Variants in SEMA3D observed in about 807,000 individuals in gnomAD.
The protein encoded by SEMA3D is semaphorin-3D.
A neutral mutation model predicts 100.1 loss-of-function variants in SEMA3D; 84 were observed. The observed-to-expected ratio is 0.84, with a 90% CI of 0.70 to 1.01. The LOEUF is 1.01. SEMA3D is among the 50% of genes least tolerant of loss of function. The pLI is 0.00. For missense variants in SEMA3D, 875 were observed against 934.1 expected (o/e 0.94, Z 0.82); for synonymous variants, 312 against 320.7 (o/e 0.97, Z 0.29).
intron 4 of SEMA3D, among the ~76,000 whole-genome samples, chr7:85,083,918 CA>C (rs545547253): frequency 9.3e-4 from 140 of 151,278 alleles, no homozygotes; most frequent in African/African-American, 3.1e-3. Context: ...GAGGCTGAGG[CA>C]GGCAGATCAC....
chr7:85,181,035 T>C (rs1450456384), intron 1 of SEMA3D, among the ~76,000 whole-genome samples: 1 of 152,154 alleles, frequency 6.6e-6, no homozygotes, highest in Non-Finnish European at 1.5e-5. Context: ...GGAAGAAAGA[T>C]CACAGAGGTA....
At chr7:85,067,954 T>C (rs1791672230) in intron 7 of SEMA3D, among the ~76,000 whole-genome samples, 1 of 152,202 alleles carries the variant, frequency 6.6e-6, no homozygotes. Flanking sequence ...ACATTATAAA[T>C]ATTCAATCAG....
chr7:85,078,880 C>T lies in SEMA3D; in HGVS notation c.375+2637G>A, dbSNP rs537046558. Among the ~76,000 whole-genome samples, 30 of 152,212 alleles carry T rather than the reference C, an allele frequency of 2.0e-4. No individual in the cohort carries two copies. The South Asian group carries it at 5.8e-3, about 29-fold the overall frequency. ...AAGAAGGAGAAAGGGTAATGCCAAA[C>T]GTAATAAAAGATGTCAATAAAACCA... On this transcript the variant is annotated intron_variant, in intron 5 of 18. Transcript: ENST00000284136.
At chr7:85,081,618 T>C (rs761454191) in intron 4 of SEMA3D, 39 bp from the exon 5 acceptor site, 18 of 1,353,188 alleles carry the variant, frequency 1.3e-5, no homozygotes, top group Admixed American at 3.4e-5. Flanking sequence ...CCTGAATATC[T>C]GAAACACCCT....
At chr7:85,035,419 G>A (rs1016870971) in intron 12 of SEMA3D, among the ~76,000 whole-genome samples, 1 of 151,782 alleles carries the variant, frequency 6.6e-6, no homozygotes, top group Non-Finnish European at 1.5e-5. Flanking sequence ...AGGAAATTCT[G>A]CATACACTAT....
the SEMA3D span, among the ~76,000 whole-genome samples, chr7:85,235,682 A>G: frequency 6.6e-6 from 1 of 152,210 alleles, no homozygotes; most frequent in Non-Finnish European, 1.5e-5. Flanking sequence ...AAGAAATAGA[A>G]GTCATGATTT....
chr7:85,021,111 T>C (rs1018669467), intron 13 of SEMA3D, among the ~76,000 whole-genome samples: 6 of 151,630 alleles, frequency 4.0e-5, no homozygotes, highest in African/African-American at 1.5e-4. Flanking sequence ...GGGGTTGGAG[T>C]ATAGTAACGT....
the SEMA3D span, among the ~76,000 whole-genome samples, chr7:85,210,709 A>T: frequency 6.6e-6 from 1 of 152,068 alleles, no homozygotes; most frequent in East Asian, 1.9e-4. Flanking sequence ...AAACTGGTTT[A>T]TCTATTGTAG....
intron 2 of SEMA3D, among the ~76,000 whole-genome samples, chr7:85,122,137 A>T (rs1789439878): frequency 6.6e-6 from 1 of 151,774 alleles, no homozygotes; most frequent in Middle Eastern, 3.2e-3. Flanking sequence ...CCTAATGTAG[A>T]TGACAGGTTG....
At chr7:85,160,452 G>T (rs557834084) in intron 1 of SEMA3D, among the ~76,000 whole-genome samples, 1 of 152,242 alleles carries the variant, frequency 6.6e-6, no homozygotes, top group African/African-American at 2.4e-5. Flanking sequence ...AAGAGAGAGA[G>T]AAATTGAAAC....
intron 1 of SEMA3D, among the ~76,000 whole-genome samples, chr7:85,160,888 T>C (rs1162848969): frequency 1.3e-5 from 2 of 152,142 alleles, no homozygotes; most frequent in Non-Finnish European, 1.5e-5. Context: ...AATTTTTTAC[T>C]AGGAGAAGAG....
Position 85,096,000 on chromosome 7 carries a change from C to A in SEMA3D, c.312+1805G>T, listed in dbSNP as rs1460017603. 4.6e-5 allele frequency among the ~76,000 whole-genome samples: 7 copies of A among 152,054 alleles called. No individual in the cohort carries two copies. In the East Asian group the frequency reaches 1.2e-3, roughly 25 times the overall value. On this transcript the variant is annotated intron_variant, in intron 4 of 18. Transcript: ENST00000284136. ...AGATAAAGGGAATTTTTCTTCCAATCCCTGAAGGCAGAGAACAGAACAAGA... is the reference window on the plus strand; with the variant it reads ...AGATAAAGGGAATTTTTCTTCCAATACCTGAAGGCAGAGAACAGAACAAGA...
At chr7:85,239,686 T>A in the SEMA3D span, among the ~76,000 whole-genome samples, 1 of 152,192 alleles carries the variant, frequency 6.6e-6, no homozygotes, top group South Asian at 2.1e-4. Context: ...AACATTCAGT[T>A]GGACTGAAGT....
the SEMA3D span, among the ~76,000 whole-genome samples, chr7:85,236,285 A>AT: frequency 0.052 from 5,886 of 112,802 alleles, 238 homozygotes; most frequent in East Asian, 0.23. Flanking sequence ...ATTTTATTTT[A>AT]TTTATTTATT....
At chr7:85,210,444 T>C in the SEMA3D span, among the ~76,000 whole-genome samples, 1 of 152,070 alleles carries the variant, frequency 6.6e-6, no homozygotes, top group South Asian at 2.1e-4. Context: ...ATTATCCATA[T>C]GTGCATAAAC....
chr7:85,163,357 CA>C (rs1562841109), intron 1 of SEMA3D, among the ~76,000 whole-genome samples: 2 of 151,808 alleles, frequency 1.3e-5, no homozygotes, highest in Non-Finnish European at 2.9e-5. Flanking sequence ...TGTTATAAAG[CA>C]AAGAATACAG....
chr7:85,089,768 G>C (rs1255933860), intron 4 of SEMA3D, among the ~76,000 whole-genome samples: 2 of 152,060 alleles, frequency 1.3e-5, no homozygotes, highest in East Asian at 3.9e-4. Flanking sequence ...ACAAGCACCT[G>C]TAGTCCCAAC....
At chr7:85,018,506 T>C (rs1346302537) in intron 14 of SEMA3D, among the ~76,000 whole-genome samples, 1 of 151,788 alleles carries the variant, frequency 6.6e-6, no homozygotes, top group African/African-American at 2.4e-5. Flanking sequence ...TAGTATCTTA[T>C]TAAAGATAAG....
At chr7:85,097,688 T>G in intron 4 of SEMA3D, 117 bp downstream of exon 4, 1 of 521,888 alleles carries the variant, frequency 1.9e-6, no homozygotes, top group Non-Finnish European at 3.4e-6. Flanking sequence ...CTTTTTGACA[T>G]GTATGTGATG....
Sources: allele counts gnomAD v4.1 joint callset (sites outside exome capture counted in the v4.1 genomes callset), GRCh38; gene constraint gnomAD v4.1.1; transcripts MANE v1.5; gene names NCBI Gene and HGNC (gene_info 2026-07-23, HGNC 2026-07-21).